The following ELSPBP1 variants were observed in gnomAD, a reference collection of about 807,000 sequenced individuals.
ELSPBP1 encodes the protein epididymal sperm binding protein 1.
A neutral mutation model predicts 33.3 loss-of-function variants in ELSPBP1; 38 were observed. The observed-to-expected ratio is 1.14, with a 90% CI of 0.88 to 1.50. The LOEUF is 1.50. Among genes scored for constraint, ELSPBP1 ranks in the 40% most tolerant of loss-of-function variants. The pLI, the probability that ELSPBP1 is intolerant of heterozygous loss-of-function variation, is 0.00. For missense variants in ELSPBP1, 267 were observed against 263.5 expected, an observed-to-expected ratio of 1.01 and a Z score of -0.09; for synonymous variants, 85 against 94.1, an observed-to-expected ratio of 0.90 and a Z score of 0.56.
chr19:48,020,892 G>GC lies in ELSPBP1; in HGVS notation c.514+1015_514+1016insC, dbSNP rs931087476. On this transcript the variant is annotated intron_variant, in intron 5 of 6. Transcript: ENST00000339841. The stretch of plus-strand genomic sequence containing the variant: ...ATATTTCTGCGCCACTCCGGGCAAG[G>GC]GGTCAGTCCGAATAGCTGTGGGTGG... 2.0e-5 allele frequency among the ~76,000 whole-genome samples: 3 copies of GC among 152,226 alleles called. 1 individual carries two copies. Among genetic ancestry groups the GC allele is most frequent in the Non-Finnish European group, 4.4e-5 (3 of 68,046 alleles).
Position 48,011,193 on chromosome 19 carries a change from A to AATG in ELSPBP1, c.70+2461_70+2463dup, listed in dbSNP as rs78082500. 0.75 allele frequency among the ~76,000 whole-genome samples: 113,298 copies of AATG among 151,240 alleles called. 42,685 individuals carry two copies. Among genetic ancestry groups the AATG allele is most frequent in the East Asian group, 0.94 (4,845 of 5,142 alleles). ...TGAGGAGGAAAATAATGATTACAAT[A>AATG]ATGATGACAATGATGATGAGAATGA... On this transcript the variant is annotated intron_variant, in intron 2 of 6. Transcript: ENST00000339841. This position sits in a 1 kb window ranked among gnomAD's most constrained non-coding sequence, Gnocchi z 4.5.
At chr19:48,006,676 C>A (rs1052242173) in intron 1 of ELSPBP1, among the ~76,000 whole-genome samples, 31 of 148,982 alleles carry the variant, frequency 2.1e-4, no homozygotes, top group East Asian at 2.0e-4. Flanking sequence ...TAAGTAATTT[C>A]CCTGAAGTCA....
chr19:48,005,843 G>A (rs548558948), intron 1 of ELSPBP1, among the ~76,000 whole-genome samples: 1 of 152,174 alleles, frequency 6.6e-6, no homozygotes, highest in Non-Finnish European at 1.5e-5. Context: ...TAAGCTTACT[G>A]TGCCCCATCT....
chr19:48,022,510 C>A, intron 6 of ELSPBP1, 176 bp downstream of exon 6: 1 of 488,042 alleles, frequency 2.0e-6, no homozygotes. Flanking sequence ...CTGAGGTTCC[C>A]AGCAATGCGG....
At chr19:48,022,997 T>C (rs555705783) in intron 6 of ELSPBP1, among the ~76,000 whole-genome samples, 3 of 151,544 alleles carry the variant, frequency 2.0e-5, no homozygotes, top group Non-Finnish European at 4.4e-5. Flanking sequence ...TGAGCTATGA[T>C]TACACCACTG....
chr19:48,023,212 G>A (rs186905863), intron 6 of ELSPBP1, among the ~76,000 whole-genome samples: 11 of 134,778 alleles, frequency 8.2e-5, no homozygotes, highest in Middle Eastern at 4.5e-3. Flanking sequence ...AAGGAAGGAG[G>A]GAAGGAAGGA....
chr19:47,999,650 A>G (rs1160769904), intron 1 of ELSPBP1, among the ~76,000 whole-genome samples: 1 of 151,808 alleles, frequency 6.6e-6, no homozygotes, highest in East Asian at 1.9e-4. Context: ...GGCCTCCCAA[A>G]GTGCTGGGAT....
chr19:48,007,336 C>T (rs917250924), intron 1 of ELSPBP1, among the ~76,000 whole-genome samples: 2 of 152,202 alleles, frequency 1.3e-5, no homozygotes, highest in South Asian at 2.1e-4. Context: ...CAGCTGTGGT[C>T]CTTTGGTAAG....
At chr19:48,022,810 G>C (rs1442050156) in intron 6 of ELSPBP1, among the ~76,000 whole-genome samples, 2 of 151,684 alleles carry the variant, frequency 1.3e-5, no homozygotes, top group East Asian at 3.9e-4. Context: ...TAGTGCTTTG[G>C]GAGGCCAAGG....
chr19:48,008,742 G>A lies in ELSPBP1; in HGVS notation c.70+5G>A, dbSNP rs781705611. The A allele has an allele frequency of 2.5e-6, 4 of 1,612,484 alleles. No individual in the cohort carries two copies. In the South Asian group the frequency reaches 4.4e-5, roughly 18 times the overall value. On this transcript the variant is annotated splice_donor_5th_base_variant and intron_variant, in intron 2 of 6. Coordinates refer to ENST00000339841, the MANE Select transcript of ELSPBP1 (RefSeq NM_022142.5). Reference sequence around the variant, plus strand: ...ATTCCTATGAGTCAAGTGGAGGTAAGGACACTCAAAGCAACAGGGAGGATT... The same window carrying A: ...ATTCCTATGAGTCAAGTGGAGGTAAAGACACTCAAAGCAACAGGGAGGATT...
At chr19:48,020,582 C>T (rs1437780056) in intron 5 of ELSPBP1, among the ~76,000 whole-genome samples, 2 of 152,168 alleles carry the variant, frequency 1.3e-5, no homozygotes, top group African/African-American at 4.8e-5. Context: ...CGAGTTGACG[C>T]ATTTGCACCT....
chr19:48,002,565 C>G (rs1305353463), intron 1 of ELSPBP1, among the ~76,000 whole-genome samples: 1 of 152,158 alleles, frequency 6.6e-6, no homozygotes, highest in African/African-American at 2.4e-5. Flanking sequence ...CCCAGGTAAG[C>G]AGATCACTTG....
chr19:48,011,923 GA>G lies in ELSPBP1; in HGVS notation c.71-2243del, dbSNP rs1967083754. ...ACCAAACAGTTCTGAGAAACAAGGT[GA>G]AAAATGCAATGAACTAACAGTTGAG... On this transcript the variant is annotated intron_variant, in intron 2 of 6. Transcript: ENST00000339841. This position sits in a 1 kb window ranked among gnomAD's most constrained non-coding sequence, Gnocchi z 4.5. 6.6e-6 allele frequency among the ~76,000 whole-genome samples: 1 copy of G among 151,938 alleles called. No homozygotes were observed. The highest frequency in any genetic ancestry group is 2.4e-5 in the African/African-American group (1 of 41,356).
At chr19:48,018,388 A>G (rs897811419) in intron 4 of ELSPBP1, among the ~76,000 whole-genome samples, 2 of 146,384 alleles carry the variant, frequency 1.4e-5, no homozygotes, top group African/African-American at 2.5e-5. Flanking sequence ...TTCTTCTGCT[A>G]TCATCTGAGA....
At chr19:48,006,621 C>CAAAAAAAAAAAAA (rs1190341508) in intron 1 of ELSPBP1, among the ~76,000 whole-genome samples, 1 of 20,884 alleles carries the variant, frequency 4.8e-5, no homozygotes, top group East Asian at 1.2e-3. Flanking sequence ...GACCCTGTCT[C>CAAAAAAAAAAAAA]AAAAAAAAAA....
intron 2 of ELSPBP1, among the ~76,000 whole-genome samples, chr19:48,009,267 C>G (rs918548087): frequency 6.6e-6 from 1 of 151,976 alleles, no homozygotes; most frequent in Non-Finnish European, 1.5e-5. Context: ...AGAGAAGTAA[C>G]GGCATTTATC....
At chr19:48,017,728 A>G (rs754108443) in intron 4 of ELSPBP1, among the ~76,000 whole-genome samples, 6 of 151,928 alleles carry the variant, frequency 3.9e-5, no homozygotes, top group Non-Finnish European at 8.8e-5. Flanking sequence ...CCCGCTCTGT[A>G]AAAACAAGAA....
chr19:48,008,773 G>C, intron 2 of ELSPBP1, 36 bp downstream of exon 2: 1 of 1,577,240 alleles, frequency 6.3e-7, no homozygotes, highest in Non-Finnish European at 8.7e-7. Context: ...GGATTTAGAA[G>C]CTGGAGAAGA....
At chr19:48,006,510 A>G (rs1469003753) in intron 1 of ELSPBP1, among the ~76,000 whole-genome samples, 2 of 148,048 alleles carry the variant, frequency 1.4e-5, no homozygotes. Context: ...GCTACTTGGG[A>G]GGCTGAGGCA....
Sources: allele counts gnomAD v4.1 joint callset (sites outside exome capture counted in the v4.1 genomes callset), GRCh38; gene constraint gnomAD v4.1.1; non-coding constraint Gnocchi (gnomAD v3.1); transcripts MANE v1.5; gene names NCBI Gene and HGNC (gene_info 2026-07-23, HGNC 2026-07-21).